FGFR2: variants seen among roughly 807,000 people sequenced by gnomAD.
FGFR2 encodes BEK fibroblast growth factor receptor.
In FGFR2, 19 loss-of-function variants were observed where a neutral mutation model predicts 95.9. The ratio of observed to expected loss-of-function variants is 0.20; its 90% CI spans 0.14 to 0.29. FGFR2 has a LOEUF of 0.29. Ranked by LOEUF, FGFR2 falls within the 10% of genes least tolerant of loss-of-function variation. The pLI is 1.00. For missense variants in FGFR2, 707 were observed against 1,056.9 expected (o/e 0.67, Z 4.59); for synonymous variants, 392 against 393.3 (o/e 1.00, Z 0.04).
intron 6 of FGFR2, among the ~76,000 whole-genome samples, chr10:121,535,339 G>A (rs1852678865): frequency 6.6e-6 from 1 of 152,206 alleles, no homozygotes; most frequent in Admixed American, 6.5e-5. Flanking sequence ...TCATCATTCC[G>A]ATTTTACTGA....
intron 1 of FGFR2, among the ~76,000 whole-genome samples, chr10:121,594,465 G>A (rs887237118): frequency 2.0e-5 from 3 of 152,198 alleles, no homozygotes; most frequent in Admixed American, 1.3e-4. Flanking sequence ...GGCTGGAGGT[G>A]AGCAGTCTCC....
intron 4 of FGFR2, among the ~76,000 whole-genome samples, chr10:121,561,581 A>T: frequency 6.6e-6 from 1 of 152,212 alleles, no homozygotes; most frequent in East Asian, 1.9e-4. Flanking sequence ...TACAAAATAC[A>T]AAACAATAAT....
chr10:121,496,599 G>A lies in FGFR2; in HGVS notation c.1796C>T (p.Thr599Ile). 1 of 1,613,604 alleles carries A rather than the reference G, an allele frequency of 6.2e-7. No individual in the cohort carries two copies. The highest frequency in any genetic ancestry group is 8.5e-7 in the Non-Finnish European group (1 of 1,179,980). ...GGTGCATGACACCAAGTCCTTGAAG[G>A]TCATCTGCTCCTCAGGAACACGGTT... ...DINRVPEEQM[T>I]FKDLVSCTYQ... Residue 599 changes from threonine (T) to isoleucine (I), a missense_variant, in exon 13 of 18, where the codon ACC (threonine) becomes ATC (isoleucine). Around this residue, in one of 7 missense-constraint regions of FGFR2, gnomAD observed 37 missense variants for 34.1 expected, o/e 1.09. Coordinates refer to ENST00000358487, the MANE Select transcript of FGFR2 (RefSeq NM_000141.5).
intron 2 of FGFR2, among the ~76,000 whole-genome samples, chr10:121,574,829 G>A (rs568293901): frequency 2.0e-5 from 3 of 152,318 alleles, no homozygotes; most frequent in South Asian, 4.2e-4. Flanking sequence ...TCTCTACCTC[G>A]AGAAATACTG....
At chr10:121,500,510 A>G (rs2133998896) in intron 11 of FGFR2, among the ~76,000 whole-genome samples, 1 of 152,344 alleles carries the variant, frequency 6.6e-6, no homozygotes, top group African/African-American at 2.4e-5. Context: ...ATTCAATTAT[A>G]TGTGAGTTGA....
At chr10:121,500,761 A>G (rs3135783) in intron 11 of FGFR2, 65 bp downstream of exon 11, 1,193 of 1,604,438 alleles carry the variant, frequency 7.4e-4, no homozygotes, top group Non-Finnish European at 9.6e-4. Flanking sequence ...ACATGCCACA[A>G]AAGGAACTTT....
rs570125958 is a variant in FGFR2 at position 121,531,026 on chromosome 10, G to C, written c.748+7566C>G. Among the ~76,000 whole-genome samples the C allele has an allele frequency of 6.6e-6, 1 of 152,240 alleles. No homozygotes were observed. Among genetic ancestry groups the C allele is most frequent in the South Asian group, 2.1e-4 (1 of 4,826 alleles). ...CATCCTCTTTGCCCACACCATAAAT[G>C]AAATGCCAAGATTAAATGCCAGACC... On this transcript the variant is annotated intron_variant, in intron 6 of 17. Coordinates refer to ENST00000358487, the MANE Select transcript of FGFR2 (RefSeq NM_000141.5). This position sits in a 1 kb window ranked among gnomAD's most constrained non-coding sequence, Gnocchi z 4.5.
chr10:121,506,243 A>G (rs552421166), intron 9 of FGFR2, among the ~76,000 whole-genome samples: 17 of 151,412 alleles, frequency 1.1e-4, no homozygotes, highest in Admixed American at 9.9e-4. Flanking sequence ...CTGTAATCCC[A>G]GCTACTTGGG....
In FGFR2 at chr10:121,518,553, T is replaced by A; in HGVS notation, c.940-1090A>T. ...ACCAGCTGCATCACCGAAGAAAGAT[T>A]ATTATAAATATACCAAGGCCACAAG... is the stretch of plus-strand genomic sequence containing the variant. On this transcript the variant is annotated intron_variant, in intron 7 of 17. Coordinates refer to ENST00000358487, the MANE Select transcript of FGFR2 (RefSeq NM_000141.5). The surrounding 1 kb of genome is among the most constrained non-coding windows in gnomAD (Gnocchi z 4.0). 9.7e-7 allele frequency: 1 copy of A among 1,035,450 alleles called. No individual in the cohort carries two copies. The highest frequency in any genetic ancestry group is 1.4e-6 in the Non-Finnish European group (1 of 713,786). 64.1% of individuals were successfully genotyped at this position (1,035,450 alleles called of 1,614,324 possible).
intron 9 of FGFR2, among the ~76,000 whole-genome samples, chr10:121,514,611 C>A (rs977392509): frequency 5.9e-5 from 9 of 152,176 alleles, no homozygotes; most frequent in Non-Finnish European, 1.2e-4. Context: ...AGTTATTGTG[C>A]AACAGTTTAA....
chr10:121,479,684 C>T lies in FGFR2; in HGVS notation c.*173G>A, dbSNP rs753575189. 8.3e-6 allele frequency: 13 copies of T among 1,562,278 alleles called. No individual in the cohort carries two copies. The highest frequency in any genetic ancestry group is 4.1e-5 in the African/African-American group (3 of 73,578). ...CTTCTTCTCCTCCTGGGGAAGATTA[C>T]AAGTTTTCAACTGTATAAATCTTTA... On this transcript the variant is annotated 3_prime_UTR_variant, in exon 18 of 18. Transcript: ENST00000358487.
chr10:121,577,243 C>T (rs1295727026), intron 2 of FGFR2, among the ~76,000 whole-genome samples: 1 of 127,224 alleles, frequency 7.9e-6, no homozygotes, highest in Non-Finnish European at 1.6e-5. Flanking sequence ...CGAGACTATG[C>T]CACTTACAAA....
chr10:121,586,301 C>T (rs1353030266), intron 2 of FGFR2, among the ~76,000 whole-genome samples: 2 of 152,190 alleles, frequency 1.3e-5, no homozygotes, highest in African/African-American at 2.4e-5. Flanking sequence ...CCCTTGTTCT[C>T]GTTCTTGAAT....
chr10:121,493,243 T>C (rs1306930190), intron 13 of FGFR2, among the ~76,000 whole-genome samples: 1 of 152,232 alleles, frequency 6.6e-6, no homozygotes, highest in Non-Finnish European at 1.5e-5. Flanking sequence ...CAGTAATTAA[T>C]AATAACGATA....
chr10:121,517,466 A>G lies in FGFR2; in HGVS notation c.940-3T>C, dbSNP rs2134261075. 1 of 1,614,190 alleles carries G rather than the reference A, an allele frequency of 6.2e-7. No individual in the cohort carries two copies. Among genetic ancestry groups the G allele is most frequent in the Non-Finnish European group, 8.5e-7 (1 of 1,180,032 alleles). On this transcript the variant is annotated splice_polypyrimidine_tract_variant and splice_region_variant and intron_variant, in intron 7 of 17. Coordinates refer to ENST00000358487, the MANE Select transcript of FGFR2 (RefSeq NM_000141.5). This position sits in a 1 kb window ranked among gnomAD's most constrained non-coding sequence, Gnocchi z 4.7. ...TCCGTGGTGTTAACACCGGCGGCCT[A>G]GAAAACAAGGGAAGCAAAAGAAAAG...
chr10:121,541,452 G>A (rs1853727703), intron 5 of FGFR2, among the ~76,000 whole-genome samples: 1 of 152,118 alleles, frequency 6.6e-6, no homozygotes, highest in Admixed American at 6.5e-5. Flanking sequence ...CACAAAGTTT[G>A]GGGGTTTTTT....
chr10:121,500,078 G>A (rs570067465), intron 11 of FGFR2, among the ~76,000 whole-genome samples: 2 of 152,186 alleles, frequency 1.3e-5, no homozygotes, highest in Admixed American at 6.5e-5. Context: ...TTCTTTCCGA[G>A]ATCCCTACAA....
rs747982846 is a variant in FGFR2, at chr10:121,485,373, C to T, written c.2195+22G>A. ...TGTGGCAAGTCCACTGGGGCACCGG[C>T]AGGAAAGACAACAGCCCTTACAGTT... On this transcript the variant is annotated intron_variant, in intron 16 of 17. Coordinates refer to ENST00000358487, the MANE Select transcript of FGFR2 (RefSeq NM_000141.5). This position sits in a 1 kb window ranked among gnomAD's most constrained non-coding sequence, Gnocchi z 4.2. 7 of 1,613,990 alleles carry T rather than the reference C, an allele frequency of 4.3e-6. No individual in the cohort carries two copies. The highest frequency in any genetic ancestry group is 5.9e-6 in the Non-Finnish European group (7 of 1,180,028).
chr10:121,578,035 A>G (rs1428040046), intron 2 of FGFR2, among the ~76,000 whole-genome samples: 1 of 152,102 alleles, frequency 6.6e-6, no homozygotes, highest in African/African-American at 2.4e-5. Context: ...TAGCTCTGAA[A>G]GAAAGTACAG....
Sources: allele counts gnomAD v4.1 joint callset (sites outside exome capture counted in the v4.1 genomes callset), GRCh38; gene constraint gnomAD v4.1.1; regional missense constraint gnomAD v4.1.1; non-coding constraint Gnocchi (gnomAD v3.1); transcripts MANE v1.5; gene names NCBI Gene and HGNC (gene_info 2026-07-23, HGNC 2026-07-21).